LRPPRC: variants seen among roughly 807,000 people sequenced by gnomAD.
LRPPRC encodes the protein leucine-rich PPR motif-containing protein, mitochondrial.
In LRPPRC, 120 loss-of-function variants were observed where a neutral mutation model predicts 180.3. That is an observed-to-expected ratio of 0.67 (90% CI 0.57 to 0.77). LRPPRC has a LOEUF of 0.77. Among genes scored for constraint, LRPPRC ranks in the 30% least tolerant of loss-of-function variants. The pLI is 0.00. For missense variants in LRPPRC, 2,012 were observed against 1,657.2 expected (o/e 1.21, Z -3.72); for synonymous variants, 723 against 600.0 (o/e 1.21, Z -3.00).
intron 27 of LRPPRC, among the ~76,000 whole-genome samples, chr2:43,920,096 A>G (rs1425464208): frequency 6.6e-6 from 1 of 151,620 alleles, no homozygotes; most frequent in Non-Finnish European, 1.5e-5. Context: ...AAAAAAAAAA[A>G]AAAAAACTTA....
intron 12 of LRPPRC, 22 bp from the exon 13 acceptor site, chr2:43,960,656 A>T: frequency 9.5e-7 from 1 of 1,054,064 alleles, no homozygotes; most frequent in Non-Finnish European, 1.5e-6. Flanking sequence ...GCATATATCA[A>T]TGAGAATACA....
chr2:43,898,450 G>A (rs113539625), intron 34 of LRPPRC, among the ~76,000 whole-genome samples: 6 of 152,304 alleles, frequency 3.9e-5, no homozygotes, highest in African/African-American at 7.2e-5. Flanking sequence ...AAACACAGCC[G>A]TTGGCGGGAT....
At chr2:43,953,693 T>C (rs185471593) in intron 14 of LRPPRC, among the ~76,000 whole-genome samples, 1 of 152,302 alleles carries the variant, frequency 6.6e-6, no homozygotes, top group Admixed American at 6.5e-5. Flanking sequence ...GATAAGGTAA[T>C]CCATTTTCGA....
chr2:43,901,022 C>A (rs1190787426), intron 32 of LRPPRC, among the ~76,000 whole-genome samples: 2 of 152,132 alleles, frequency 1.3e-5, no homozygotes, highest in African/African-American at 4.8e-5. Context: ...TCATTTTTCA[C>A]TTCTGAACAA....
intron 31 of LRPPRC, 148 bp from the exon 32 acceptor site, chr2:43,901,672 T>C (rs1670891700): frequency 1.5e-6 from 1 of 655,174 alleles, no homozygotes; most frequent in Non-Finnish European, 2.7e-6. Flanking sequence ...AAATTATTAA[T>C]ACTTCATGAG....
chr2:43,949,774 T>C (rs1243955587), intron 15 of LRPPRC, 115 bp from the exon 16 acceptor site: 2 of 742,136 alleles, frequency 2.7e-6, no homozygotes, highest in African/African-American at 1.7e-5. Flanking sequence ...ACTATTCTAT[T>C]TCACAGTAAT....
At chr2:43,926,418 G>T (rs1671881236) in intron 25 of LRPPRC, among the ~76,000 whole-genome samples, 4 of 151,964 alleles carry the variant, frequency 2.6e-5, no homozygotes, top group Non-Finnish European at 4.4e-5. Flanking sequence ...TTTAGACAGA[G>T]TCTCAATGGC....
At chr2:43,987,390 G>T (rs1196377770) in intron 1 of LRPPRC, among the ~76,000 whole-genome samples, 2 of 147,272 alleles carry the variant, frequency 1.4e-5, no homozygotes, top group African/African-American at 2.5e-5. Flanking sequence ...AGCTACTCAG[G>T]AAGCTGAGGC....
chr2:43,937,130 GTCAA>G (rs1223582334), intron 23 of LRPPRC, among the ~76,000 whole-genome samples: 3 of 152,098 alleles, frequency 2.0e-5, no homozygotes, highest in African/African-American at 7.2e-5. Flanking sequence ...TAATTGTTCT[GTCAA>G]TCAAAGCGAC....
At chr2:43,891,104 C>T (rs1365939313) in intron 36 of LRPPRC, among the ~76,000 whole-genome samples, 3 of 152,200 alleles carry the variant, frequency 2.0e-5, no homozygotes, top group Non-Finnish European at 4.4e-5. Flanking sequence ...CACATCTTTG[C>T]TGTTTCCATG....
chr2:43,988,451 G>A lies in LRPPRC; in HGVS notation c.150-6017C>T, dbSNP rs1007670401. On this transcript the variant is annotated intron_variant, in intron 1 of 37. Coordinates refer to ENST00000260665, the MANE Select transcript of LRPPRC (RefSeq NM_133259.4). Reference sequence around the variant, plus strand: ...GTTGGGAGGCTGAGGCAGGAGAATCGCTTGAACCTGGGAGGCAGAGGTTGC... The same window carrying A: ...GTTGGGAGGCTGAGGCAGGAGAATCACTTGAACCTGGGAGGCAGAGGTTGC... Among the ~76,000 whole-genome samples the A allele has an allele frequency of 5.9e-5, 9 of 152,230 alleles. No homozygotes were observed. The East Asian group carries it at 1.4e-3, about 23-fold the overall frequency.
In LRPPRC at chr2:43,974,171, T is replaced by C; in HGVS notation, c.1134A>G (p.Gln378=). Residue 378 remains glutamine (Q), a synonymous_variant, in exon 9 of 38, where the codon CAA becomes CAG. Transcript: ENST00000260665. ...ATACCGTATTCATAGTCACACAGTG[T>C]TGTAAAAAGAAACTGCCAAAGACAC... ...GPSVFGSFFL[Q]HCVTMNTPVE... is the part of the protein sequence containing the mutation. The C allele has an allele frequency of 6.2e-7, 1 of 1,613,900 alleles. No individual in the cohort carries two copies. Among genetic ancestry groups the C allele is most frequent in the Non-Finnish European group, 8.5e-7 (1 of 1,179,764 alleles).
intron 11 of LRPPRC, among the ~76,000 whole-genome samples, chr2:43,966,264 G>C (rs1337569825): frequency 2.0e-5 from 3 of 151,604 alleles, no homozygotes; most frequent in African/African-American, 4.9e-5. Flanking sequence ...AAAAAAAGTT[G>C]AACTCTGTTA....
chr2:43,983,638 A>G (rs149616484), intron 1 of LRPPRC, among the ~76,000 whole-genome samples: 1 of 152,296 alleles, frequency 6.6e-6, no homozygotes, highest in African/African-American at 2.4e-5. Flanking sequence ...TATATTATAC[A>G]CTATATAACA....
In LRPPRC at chr2:43,934,882, A is replaced by C. The variant is rs1230783640; in HGVS notation, c.2505-4T>G. The C allele has an allele frequency of 2.5e-6, 4 of 1,612,210 alleles. No homozygotes were observed. The highest frequency in any genetic ancestry group is 1.7e-4 in the Middle Eastern group (1 of 6,056). On this transcript the variant is annotated splice_polypyrimidine_tract_variant and splice_region_variant and intron_variant, in intron 23 of 37. Transcript: ENST00000260665. ...AAGAGCAGTAGATAGGTCGCCCCTT[A>C]GAAACAAAAAAATTAGCAATGAATA...
At chr2:43,898,079 A>AAG (rs1670751254) in intron 34 of LRPPRC, among the ~76,000 whole-genome samples, 1 of 151,006 alleles carries the variant, frequency 6.6e-6, no homozygotes, top group East Asian at 1.9e-4. Context: ...ATTAAAAAAA[A>AAG]AAAAAAAAAC....
intron 3 of LRPPRC, among the ~76,000 whole-genome samples, chr2:43,978,135 T>G (rs532869296): frequency 6.6e-5 from 10 of 152,292 alleles, no homozygotes; most frequent in Non-Finnish European, 2.9e-5. Context: ...ACAACAACTT[T>G]GAGACACTAT....
intron 1 of LRPPRC, among the ~76,000 whole-genome samples, chr2:43,992,952 G>GAA (rs1459320212): frequency 6.6e-6 from 1 of 152,148 alleles, no homozygotes; most frequent in Non-Finnish European, 1.5e-5. Context: ...AAAAGAGAAT[G>GAA]AAAATGTTGA....
chr2:43,905,431 A>G (rs1020074455), intron 31 of LRPPRC, among the ~76,000 whole-genome samples: 9 of 152,210 alleles, frequency 5.9e-5, no homozygotes, highest in Non-Finnish European at 1.3e-4. Flanking sequence ...ATGTCTGAAG[A>G]GCTGTGATTC....
Sources: gnomAD v4.1 joint callset for allele counts (sites outside exome capture counted in the v4.1 genomes callset) on GRCh38, gnomAD v4.1.1 for gene constraint, MANE v1.5 for transcripts, NCBI Gene and HGNC (gene_info 2026-07-23, HGNC 2026-07-21) for gene names.